The following KCNQ5 variants were observed in gnomAD, a reference collection of about 807,000 sequenced individuals.
The protein encoded by KCNQ5 is potassium voltage-gated channel subfamily KQT member 5.
KCNQ5 carries 30 observed loss-of-function variants against 98.2 expected under a neutral mutation model. The ratio of observed to expected loss-of-function variants is 0.31; its 90% CI spans 0.23 to 0.41. The LOEUF (loss-of-function observed/expected upper bound fraction) is 0.41, where lower values mean the gene tolerates loss of function less well. Among genes scored for constraint, KCNQ5 ranks in the 10% least tolerant of loss-of-function variants. The probability of loss-of-function intolerance (pLI) is 1.00; values close to 1 mark genes in which losing one functional copy is unlikely to be tolerated. For missense variants in KCNQ5, 835 were observed against 1,182.5 expected (o/e 0.71, Z 4.31); for synonymous variants, 458 against 449.4 (o/e 1.02, Z -0.24).
chr6:72,959,948 GA>G (rs1767255344), intron 1 of KCNQ5, among the ~76,000 whole-genome samples: 1 of 152,168 alleles, frequency 6.6e-6, no homozygotes, highest in Non-Finnish European at 1.5e-5. Context: ...AATAAATGTA[GA>G]GAGATTTTAT....
intron 5 of KCNQ5, among the ~76,000 whole-genome samples, chr6:73,089,363 G>C (rs1774136841): frequency 6.6e-6 from 1 of 152,092 alleles, no homozygotes; most frequent in Non-Finnish European, 1.5e-5. Context: ...GTGGGGTTTT[G>C]TTTTGTCTTT....
chr6:73,023,323 A>C (rs1262406535), intron 2 of KCNQ5, among the ~76,000 whole-genome samples: 1 of 152,130 alleles, frequency 6.6e-6, no homozygotes, highest in Non-Finnish European at 1.5e-5. Flanking sequence ...ATTTCAGAGG[A>C]GAGATAGGCT....
intron 2 of KCNQ5, among the ~76,000 whole-genome samples, chr6:73,012,404 A>G (rs868821856): frequency 6.6e-6 from 1 of 152,150 alleles, no homozygotes; most frequent in Non-Finnish European, 1.5e-5. Flanking sequence ...TATGAGTGAG[A>G]TACCTAGAAT....
intron 1 of KCNQ5, among the ~76,000 whole-genome samples, chr6:72,685,660 T>G (rs2154474017): frequency 6.6e-6 from 1 of 152,358 alleles, no homozygotes; most frequent in Non-Finnish European, 1.5e-5. Flanking sequence ...CCTTACTCAT[T>G]TTCATAGTAT....
chr6:72,755,363 T>C (rs928207150), intron 1 of KCNQ5, among the ~76,000 whole-genome samples: 23 of 152,110 alleles, frequency 1.5e-4, no homozygotes, highest in African/African-American at 5.5e-4. Context: ...TATGGTAAAC[T>C]TAAGTTTACC....
At chr6:72,753,394 A>C (rs1313100130) in intron 1 of KCNQ5, among the ~76,000 whole-genome samples, 1 of 152,126 alleles carries the variant, frequency 6.6e-6, no homozygotes, top group African/African-American at 2.4e-5. Context: ...ATTATGAATG[A>C]AATTTCTATA....
At chr6:73,021,766 AT>A (rs1770616835) in intron 2 of KCNQ5, among the ~76,000 whole-genome samples, 2 of 152,214 alleles carry the variant, frequency 1.3e-5, no homozygotes, top group Non-Finnish European at 2.9e-5. Context: ...TAATCTTGCA[AT>A]TTTAGCAGTA....
In KCNQ5 at chr6:72,940,202, C is replaced by A. The variant is rs191134322; in HGVS notation, c.399-63706C>A. On this transcript the variant is annotated intron_variant, in intron 1 of 13. Coordinates refer to ENST00000370398, the MANE Select transcript of KCNQ5 (RefSeq NM_019842.4). ...GAGAGGTAGAGATTTGAAGCAGAACCAGAAAGGGCCTGCCTATTCCCAAAA... is the reference window on the plus strand; with the variant it reads ...GAGAGGTAGAGATTTGAAGCAGAACAAGAAAGGGCCTGCCTATTCCCAAAA... 8.1e-4 allele frequency among the ~76,000 whole-genome samples: 123 copies of A among 152,208 alleles called. No homozygotes were observed. In the Middle Eastern group the frequency reaches 0.034, roughly 42 times the overall value.
At chr6:72,950,506 A>G (rs1766748615) in intron 1 of KCNQ5, among the ~76,000 whole-genome samples, 1 of 152,220 alleles carries the variant, frequency 6.6e-6, no homozygotes, top group African/African-American at 2.4e-5. Flanking sequence ...GTTTCCATGC[A>G]TGAATCACAG....
rs925244316 is a variant in KCNQ5, at chr6:72,867,023, T to C, written c.399-136885T>C. ...AGCTCTGTCACTGCCACAACTGATATAGGCATATATTGGATATTTGAGAGG... is the reference window on the plus strand; with the variant it reads ...AGCTCTGTCACTGCCACAACTGATACAGGCATATATTGGATATTTGAGAGG... On this transcript the variant is annotated intron_variant, in intron 1 of 13. Transcript: ENST00000370398. Among the ~76,000 whole-genome samples the C allele has an allele frequency of 4.6e-5, 7 of 152,360 alleles. No individual in the cohort carries two copies. In the South Asian group the frequency reaches 1.2e-3, roughly 27 times the overall value.
Position 72,670,310 on chromosome 6 carries a change from C to T in KCNQ5, c.398+47723C>T, listed in dbSNP as rs536729302. Reference sequence around the variant, plus strand: ...TGAAAGCCTTCTCTCCAGCTCTCCTCTTTTCTTTGTGAGCTTTCACCAGTG... The same window carrying T: ...TGAAAGCCTTCTCTCCAGCTCTCCTTTTTTCTTTGTGAGCTTTCACCAGTG... On this transcript the variant is annotated intron_variant, in intron 1 of 13. Coordinates refer to ENST00000370398, the MANE Select transcript of KCNQ5 (RefSeq NM_019842.4). 1.8e-4 allele frequency among the ~76,000 whole-genome samples: 28 copies of T among 152,308 alleles called. No homozygotes were observed. In the South Asian group the frequency reaches 5.2e-3, roughly 28 times the overall value.
intron 1 of KCNQ5, among the ~76,000 whole-genome samples, chr6:72,763,824 G>A (rs1772413040): frequency 6.6e-6 from 1 of 151,992 alleles, no homozygotes; most frequent in African/African-American, 2.4e-5. Flanking sequence ...GTTGTGGAAA[G>A]AAACAGGACT....
intron 1 of KCNQ5, among the ~76,000 whole-genome samples, chr6:72,984,237 C>T (rs1305086088): frequency 1.3e-5 from 2 of 152,210 alleles, no homozygotes; most frequent in African/African-American, 4.8e-5. Flanking sequence ...CCACTGCTCT[C>T]TTCAGAGCTG....
In KCNQ5 at chr6:73,198,244, C is replaced by T. The variant is rs570080794; in HGVS notation, c.*2830C>T. 2 of 152,276 alleles carry T rather than the reference C, an allele frequency of 1.3e-5. No homozygotes were observed. Among genetic ancestry groups the T allele is most frequent in the African/African-American group, 4.8e-5 (2 of 41,558 alleles). The allele number at this position is 152,276 out of a possible 1,614,324, so 9.4% of individuals were successfully genotyped here. ...CAAGCTAATACTTAATTGCAAATATCCCTTGTATGAGGTTAACTAAAAAAA... is the reference window on the plus strand; with the variant it reads ...CAAGCTAATACTTAATTGCAAATATTCCTTGTATGAGGTTAACTAAAAAAA... On this transcript the variant is annotated 3_prime_UTR_variant, in exon 14 of 14. Transcript: ENST00000370398.
At chr6:72,918,943 C>A (rs1183043653) in intron 1 of KCNQ5, among the ~76,000 whole-genome samples, 1 of 152,172 alleles carries the variant, frequency 6.6e-6, no homozygotes, top group Non-Finnish European at 1.5e-5. Context: ...CTCTTCTCCC[C>A]TCTTGCCTTG....
chr6:73,198,113 T>C lies in KCNQ5; in HGVS notation c.*2699T>C, dbSNP rs1007366927. On this transcript the variant is annotated 3_prime_UTR_variant, in exon 14 of 14. Transcript: ENST00000370398. The stretch of plus-strand genomic sequence containing the variant: ...CCCATTTACACTAAGCAAATTTCCA[T>C]TGGTCAATTTTAATGATGTCTTGAA... 2 of 152,170 alleles carry C rather than the reference T, an allele frequency of 1.3e-5. No homozygotes were observed. Among genetic ancestry groups the C allele is most frequent in the Non-Finnish European group, 2.9e-5 (2 of 68,028 alleles). 9.4% of individuals were successfully genotyped at this position (152,170 alleles called of 1,614,324 possible).
chr6:72,952,682 G>GCCAACTGATCAAATTCTAC (rs1274316662), intron 1 of KCNQ5, among the ~76,000 whole-genome samples: 1 of 152,114 alleles, frequency 6.6e-6, no homozygotes, highest in Non-Finnish European at 1.5e-5. Context: ...GACAATCAAA[G>GCCAACTGATCAAATTCTAC]CCAACTGATC....
In KCNQ5 at chr6:73,190,705, G is replaced by A; in HGVS notation, c.1709+1G>A. 1 of 1,537,270 alleles carries A rather than the reference G, an allele frequency of 6.5e-7. No homozygotes were observed. The highest frequency in any genetic ancestry group is 8.8e-7 in the Non-Finnish European group (1 of 1,139,220). ...GTAGAATTAAAAGCCTTCAAACACG[G>A]TAAGCAATGGAAATGTCATTCCTTG... is the stretch of plus-strand genomic sequence containing the variant. On this transcript the variant is annotated splice_donor_variant, in intron 12 of 13. Coordinates refer to ENST00000370398, the MANE Select transcript of KCNQ5 (RefSeq NM_019842.4). LOFTEE classifies it high-confidence loss of function.
At chr6:72,814,325 G>C (rs1171938750) in intron 1 of KCNQ5, among the ~76,000 whole-genome samples, 1 of 152,150 alleles carries the variant, frequency 6.6e-6, no homozygotes, top group Non-Finnish European at 1.5e-5. Flanking sequence ...GCTTCAAGTC[G>C]TCACTCTGGT....
Sources: gnomAD v4.1 joint callset for allele counts (sites outside exome capture counted in the v4.1 genomes callset) on GRCh38, gnomAD v4.1.1 for gene constraint, MANE v1.5 for transcripts, NCBI Gene and HGNC (gene_info 2026-07-23, HGNC 2026-07-21) for gene names.